The following ABLIM2 variants were observed in gnomAD, a reference collection of about 807,000 sequenced individuals.
The protein encoded by ABLIM2 is actin binding LIM protein family member 2.
In ABLIM2, 53 loss-of-function variants were observed where a neutral mutation model predicts 97.7. That is an observed-to-expected ratio of 0.54 (90% confidence interval 0.44 to 0.68). ABLIM2 has a LOEUF of 0.68. Among genes scored for constraint, ABLIM2 ranks in the 30% least tolerant of loss-of-function variants. The pLI, the probability that ABLIM2 is intolerant of heterozygous loss-of-function variation, is 0.00. For synonymous variants in ABLIM2, 361 were observed against 345.8 expected, an observed-to-expected ratio of 1.04 and a Z score of -0.49; for missense variants, 835 against 867.2, an observed-to-expected ratio of 0.96 and a Z score of 0.47.
At position 8,008,214 on chromosome 4, in the gene ABLIM2, A is replaced by G. The variant is rs1489609505; in HGVS notation, c.1477-14T>C. 1 of 1,610,574 alleles carries G rather than the reference A, an allele frequency of 6.2e-7. No homozygotes were observed. Among genetic ancestry groups the G allele is most frequent in the East Asian group, 2.2e-5 (1 of 44,794 alleles). ...GCTGCTCTTCTGCTGAAGGTAAAAAACAAAGTCATGCAAATGTCAAGGTCA... is the reference window on the plus strand; with the variant it reads ...GCTGCTCTTCTGCTGAAGGTAAAAAGCAAAGTCATGCAAATGTCAAGGTCA... On this transcript the variant is annotated splice_polypyrimidine_tract_variant and intron_variant, in intron 15 of 20. Transcript: ENST00000447017.
chr4:8,012,212 T>C (rs1765441107), intron 14 of ABLIM2, among the ~76,000 whole-genome samples: 1 of 146,780 alleles, frequency 6.8e-6, no homozygotes, highest in East Asian at 2.1e-4. Flanking sequence ...CACCCGCCTA[T>C]ACATCCATCT....
chr4:8,156,902 C>A (rs1389505635), intron 1 of ABLIM2, among the ~76,000 whole-genome samples: 2 of 152,352 alleles, frequency 1.3e-5, no homozygotes, highest in Middle Eastern at 3.4e-3. Context: ...GGGGACAGGG[C>A]TGGGCAGGGG....
At chr4:8,050,942 C>T (rs555528566) in intron 8 of ABLIM2, among the ~76,000 whole-genome samples, 32 of 152,382 alleles carry the variant, frequency 2.1e-4, no homozygotes, top group African/African-American at 6.3e-4. Context: ...GAAACAAGGA[C>T]GCCTGCACAG....
rs571440650 is a variant in ABLIM2, at chr4:8,041,641, G to A, written c.900+3523C>T. Among the ~76,000 whole-genome samples the A allele has an allele frequency of 4.6e-5, 7 of 151,326 alleles. No individual in the cohort carries two copies. The South Asian group carries it at 6.3e-4, about 14-fold the overall frequency. ...AAAGAGGCTGGGCACGGTGGCTCAC[G>A]CCTGTAATCCCAGCACTTTGGGAGG... On this transcript the variant is annotated intron_variant, in intron 9 of 20. Transcript: ENST00000447017.
At chr4:8,134,102 T>C (rs991349396) in intron 1 of ABLIM2, among the ~76,000 whole-genome samples, 11 of 152,032 alleles carry the variant, frequency 7.2e-5, no homozygotes, top group African/African-American at 2.2e-4. Context: ...CACCAAGCAC[T>C]GAAGGACACA....
intron 12 of ABLIM2, chr4:8,020,561 G>A: frequency 1.7e-6 from 1 of 579,640 alleles, no homozygotes; most frequent in Non-Finnish European, 3.1e-6. Context: ...AGGGCAGAGG[G>A]CTGGGCGGTG....
At position 8,071,693 on chromosome 4, in the gene ABLIM2, A is replaced by ACCCCCCCCC; in HGVS notation, c.675+5934_675+5935insGGGGGGGGG. The stretch of plus-strand genomic sequence containing the variant: ...ACACCTGACTGCTCTGTCCCCAAAA[A>ACCCCCCCCC]CCCACCCACCCGCAGCCCCTCCTGG... On this transcript the variant is annotated intron_variant, in intron 6 of 20. Coordinates refer to ENST00000447017, the MANE Select transcript of ABLIM2 (RefSeq NM_001130083.2). This position sits in a 1 kb window ranked among gnomAD's most constrained non-coding sequence, Gnocchi z 6.2. The ACCCCCCCCC allele has an allele frequency of 6.1e-6, 5 of 819,816 alleles. No homozygotes were observed. The highest frequency in any genetic ancestry group is 7.4e-6 in the Non-Finnish European group (5 of 679,280). The allele number at this position is 819,816 out of a possible 1,614,324, so 50.8% of individuals were successfully genotyped here. A position where few individuals can be genotyped will look rare whatever the true frequency, so the allele number is the denominator to read the frequency against.
rs145342741 is a variant in ABLIM2 at position 8,095,920 on chromosome 4, C to T, written c.338+1179G>A. On this transcript the variant is annotated intron_variant, in intron 3 of 20. Transcript: ENST00000447017. This position sits in a 1 kb window ranked among gnomAD's most constrained non-coding sequence, Gnocchi z 4.7. ...TGCCCCACTGTGTGAAATTCCTCTG[C>T]GACTACAGGGCTTCATATTTGGTCA... Among the ~76,000 whole-genome samples the T allele has an allele frequency of 1.2e-3, 184 of 152,292 alleles. No homozygotes were observed. The highest frequency in any genetic ancestry group is 2.2e-3 in the Non-Finnish European group (151 of 68,030).
intron 1 of ABLIM2, among the ~76,000 whole-genome samples, chr4:8,119,324 CTT>C (rs71175466): frequency 3.9e-4 from 42 of 108,108 alleles, no homozygotes; most frequent in Non-Finnish European, 5.5e-4. Context: ...GGGCTTCCTT[CTT>C]TTTTTTTTTT....
At chr4:7,976,568 C>A (rs1025117416) in intron 20 of ABLIM2, among the ~76,000 whole-genome samples, 8 of 152,202 alleles carry the variant, frequency 5.3e-5, no homozygotes, top group African/African-American at 1.7e-4. Flanking sequence ...ATACTTCCTC[C>A]AGCAGCTAAG....
At chr4:8,135,337 C>T (rs879375829) in intron 1 of ABLIM2, among the ~76,000 whole-genome samples, 6 of 152,178 alleles carry the variant, frequency 3.9e-5, no homozygotes, top group Admixed American at 2.0e-4. Flanking sequence ...GTTTTGCTAT[C>T]GATAGGTACT....
intron 11 of ABLIM2, among the ~76,000 whole-genome samples, chr4:8,028,887 G>C (rs564937579): frequency 9.8e-5 from 15 of 152,316 alleles, no homozygotes; most frequent in South Asian, 2.1e-4. Flanking sequence ...TTCCACAAAG[G>C]CTGCAAAAAT....
At chr4:8,007,925 G>C in intron 16 of ABLIM2, 134 bp downstream of exon 16, 1 of 1,487,654 alleles carries the variant, frequency 6.7e-7, no homozygotes, top group Non-Finnish European at 8.9e-7. Context: ...TCGGTCCTTA[G>C]ATTTGTGGGC....
Position 8,054,747 on chromosome 4 carries a change from T to C in ABLIM2, c.764-501A>G, listed in dbSNP as rs532371893. ...CAGGGCAGGGCTCTAAGCTGAGAGGTAGGAAGAGAGAACCTCAGCTGGGAA... is the reference window on the plus strand; with the variant it reads ...CAGGGCAGGGCTCTAAGCTGAGAGGCAGGAAGAGAGAACCTCAGCTGGGAA... On this transcript the variant is annotated intron_variant, in intron 7 of 20. Transcript: ENST00000447017. The surrounding 1 kb of genome is among the most constrained non-coding windows in gnomAD (Gnocchi z 4.9). Among the ~76,000 whole-genome samples, 142 of 151,552 alleles carry C rather than the reference T, an allele frequency of 9.4e-4. No individual in the cohort carries two copies. Among genetic ancestry groups the C allele is most frequent in the Non-Finnish European group, 1.7e-3 (116 of 67,902 alleles).
rs1284407347 is a variant in ABLIM2 at position 8,158,751 on chromosome 4, A to C, written c.-62T>G. The C allele has an allele frequency of 8.3e-6, 11 of 1,332,076 alleles. No individual in the cohort carries two copies. The highest frequency in any genetic ancestry group is 1.1e-5 in the Non-Finnish European group (11 of 1,043,688). The allele number at this position is 1,332,076 out of a possible 1,614,324, so 82.5% of individuals were successfully genotyped here. A position where few individuals can be genotyped will look rare whatever the true frequency, so the allele number is the denominator to read the frequency against. On this transcript the variant is annotated 5_prime_UTR_variant, in exon 1 of 21. Coordinates refer to ENST00000447017, the MANE Select transcript of ABLIM2 (RefSeq NM_001130083.2). Reference sequence around the variant, plus strand: ...GCGACAGCCAGACCCTCGGGCCCGCAGGTGCCGCGCCCGCGCTATCCTCCG... The same window carrying C: ...GCGACAGCCAGACCCTCGGGCCCGCCGGTGCCGCGCCCGCGCTATCCTCCG...
chr4:8,049,920 G>A (rs963726788), intron 8 of ABLIM2, among the ~76,000 whole-genome samples: 1 of 152,074 alleles, frequency 6.6e-6, no homozygotes, highest in Non-Finnish European at 1.5e-5. Context: ...TAGAGAGCGG[G>A]TTTCACCATG....
chr4:8,019,790 G>A lies in ABLIM2; in HGVS notation c.1370-119C>T. ...ACTCACCCAGATTTAGAATCATCAG[G>A]CAGGAACTGGCACCCAGCGAGCGAC... On this transcript the variant is annotated intron_variant, in intron 13 of 20. Transcript: ENST00000447017. The surrounding 1 kb of genome is among the most constrained non-coding windows in gnomAD (Gnocchi z 4.3). The A allele has an allele frequency of 1.0e-6, 1 of 984,476 alleles. No homozygotes were observed. Among genetic ancestry groups the A allele is most frequent in the South Asian group, 1.4e-5 (1 of 69,788 alleles). 61.0% of individuals were successfully genotyped at this position (984,476 alleles called of 1,614,324 possible).
rs1021080324 is a variant in ABLIM2 at position 8,054,596 on chromosome 4, G to A, written c.764-350C>T. Among the ~76,000 whole-genome samples the A allele has an allele frequency of 6.6e-6, 1 of 152,198 alleles. No individual in the cohort carries two copies. Among genetic ancestry groups the A allele is most frequent in the Non-Finnish European group, 1.5e-5 (1 of 68,040 alleles). ...TCTCTGAGGAGGGGGTATTTGAAGGGGTTTCAAGTCCCTGCCTAGGATGTA... is the reference window on the plus strand; with the variant it reads ...TCTCTGAGGAGGGGGTATTTGAAGGAGTTTCAAGTCCCTGCCTAGGATGTA... On this transcript the variant is annotated intron_variant, in intron 7 of 20. Coordinates refer to ENST00000447017, the MANE Select transcript of ABLIM2 (RefSeq NM_001130083.2). The surrounding 1 kb of genome is among the most constrained non-coding windows in gnomAD (Gnocchi z 4.9).
At position 8,032,695 on chromosome 4, in the gene ABLIM2, C is replaced by T. The variant is rs762470000; in HGVS notation, c.1048-2919G>A. ...AACTGAGGGGACTGTGGACACAACA[C>T]ACAAAGTGGCCATTAGTGCTGGCGC... is the stretch of plus-strand genomic sequence containing the variant. On this transcript the variant is annotated intron_variant, in intron 10 of 20. Transcript: ENST00000447017. This position sits in a 1 kb window ranked among gnomAD's most constrained non-coding sequence, Gnocchi z 4.3. The T allele has an allele frequency of 1.2e-6, 2 of 1,612,422 alleles. No homozygotes were observed. The highest frequency in any genetic ancestry group is 1.1e-5 in the South Asian group (1 of 91,068).
Sources: gnomAD v4.1 joint callset for allele counts (sites outside exome capture counted in the v4.1 genomes callset) on GRCh38, gnomAD v4.1.1 for gene constraint, Gnocchi (gnomAD v3.1) non-coding constraint, MANE v1.5 for transcripts, NCBI Gene and HGNC (gene_info 2026-07-23, HGNC 2026-07-21) for gene names.